Variants in CEP63 observed in about 807,000 individuals in gnomAD.
CEP63 encodes centrosomal protein 63, also known as centrosomal protein of 63 kDa.
A neutral mutation model predicts 89.1 loss-of-function variants in CEP63; 84 were observed. The observed-to-expected ratio is 0.94, with a 90% CI of 0.79 to 1.13. The LOEUF is 1.13. Ranked by LOEUF, CEP63 falls within the 50% of genes most tolerant of loss-of-function variation. The probability of loss-of-function intolerance (pLI) is 0.00; values close to 1 mark genes in which losing one functional copy is unlikely to be tolerated. For missense variants in CEP63, 838 were observed against 813.3 expected (o/e 1.03, Z -0.37); for synonymous variants, 267 against 272.5 (o/e 0.98, Z 0.20).
At chr3:134,580,529 A>T (rs1000367656) in intron 10 of CEP63, among the ~76,000 whole-genome samples, 2 of 151,892 alleles carry the variant, frequency 1.3e-5, no homozygotes, top group Non-Finnish European at 2.9e-5. Flanking sequence ...TAGAAAGTAG[A>T]AGAGAATTCT....
At chr3:134,767,189 A>G in the CEP63 span, among the ~76,000 whole-genome samples, 2 of 152,126 alleles carry the variant, frequency 1.3e-5, no homozygotes, top group Admixed American at 6.5e-5. Flanking sequence ...TTTCAAACCA[A>G]TGCATTAAGA....
chr3:134,512,931 A>G (rs1360052212), intron 3 of CEP63, among the ~76,000 whole-genome samples: 1 of 152,140 alleles, frequency 6.6e-6, no homozygotes, highest in African/African-American at 2.4e-5. Context: ...GAAATTACTA[A>G]TTGTCTCACT....
the CEP63 span, among the ~76,000 whole-genome samples, chr3:134,778,261 C>A: frequency 6.6e-6 from 1 of 151,054 alleles, no homozygotes; most frequent in African/African-American, 2.4e-5. Context: ...CCACACCCCA[C>A]TATTTTTGTA....
intron 5 of CEP63, among the ~76,000 whole-genome samples, chr3:134,533,588 A>C (rs938608692): frequency 1.3e-5 from 2 of 152,230 alleles, no homozygotes; most frequent in African/African-American, 4.8e-5. Flanking sequence ...CCAAGAGTAG[A>C]TGAAGGAAGA....
chr3:134,722,319 GTACAGTATTCTCCTATACTGTA>G, the CEP63 span, among the ~76,000 whole-genome samples: 10 of 147,482 alleles, frequency 6.8e-5, no homozygotes, highest in Non-Finnish European at 1.5e-4. Flanking sequence ...TATATATACA[GTACAGTATTCTCCTATACTGTA>G]TATATACAGT....
chr3:134,749,720 A>G, the CEP63 span, among the ~76,000 whole-genome samples: 1 of 149,566 alleles, frequency 6.7e-6, no homozygotes, highest in Admixed American at 6.7e-5. Flanking sequence ...AAAAAAAAAA[A>G]AAAAAAAAAA....
At chr3:134,520,875 AATTCTAG>A (rs1406993608) in intron 3 of CEP63, among the ~76,000 whole-genome samples, 3 of 152,160 alleles carry the variant, frequency 2.0e-5, no homozygotes, top group African/African-American at 7.2e-5. Flanking sequence ...TACCAAATTC[AATTCTAG>A]ATGGATTACG....
At chr3:134,544,918 G>A (rs999028579) in intron 6 of CEP63, among the ~76,000 whole-genome samples, 2 of 152,034 alleles carry the variant, frequency 1.3e-5, no homozygotes, top group African/African-American at 4.8e-5. Context: ...TGCGATCTTG[G>A]CTCACTGCAA....
the CEP63 span, among the ~76,000 whole-genome samples, chr3:134,736,290 G>C: frequency 1.2e-4 from 18 of 152,000 alleles, no homozygotes; most frequent in Non-Finnish European, 2.5e-4. Flanking sequence ...TTTAAAATTA[G>C]GAATGGAAAA....
chr3:134,700,203 C>T, the CEP63 span, among the ~76,000 whole-genome samples: 1 of 152,196 alleles, frequency 6.6e-6, no homozygotes, highest in African/African-American at 2.4e-5. Context: ...GGAAGTTCTG[C>T]TGACTCTGTC....
downstream of CEP63, among the ~76,000 whole-genome samples, chr3:134,569,294 G>C (rs1383961551): frequency 4.6e-5 from 7 of 152,170 alleles, no homozygotes; most frequent in African/African-American, 1.7e-4. Context: ...AAAGTCCATA[G>C]TCCAAAGTCT....
the CEP63 span, among the ~76,000 whole-genome samples, chr3:134,683,291 A>G: frequency 6.6e-6 from 1 of 152,216 alleles, no homozygotes; most frequent in Admixed American, 6.5e-5. Flanking sequence ...ATAGTTTTGT[A>G]TCTAATTCTG....
chr3:134,580,616 G>A (rs1958323406), intron 10 of CEP63, among the ~76,000 whole-genome samples: 1 of 152,014 alleles, frequency 6.6e-6, no homozygotes, highest in Non-Finnish European at 1.5e-5. Flanking sequence ...AGAAATTTAT[G>A]GACAAATATT....
intron 2 of CEP63, 39 bp from the exon 3 acceptor site, chr3:134,507,070 A>T: frequency 6.4e-7 from 1 of 1,550,884 alleles, no homozygotes; most frequent in Non-Finnish European, 8.9e-7. Context: ...CCACTTGAAC[A>T]TATCTTCTGT....
At chr3:134,707,837 C>T in the CEP63 span, among the ~76,000 whole-genome samples, 1 of 145,952 alleles carries the variant, frequency 6.9e-6, no homozygotes, top group African/African-American at 2.5e-5. Flanking sequence ...GGGTTGAAGC[C>T]CTATTGAAGG....
chr3:134,781,324 CA>C, the CEP63 span, among the ~76,000 whole-genome samples: 1 of 152,188 alleles, frequency 6.6e-6, no homozygotes, highest in African/African-American at 2.4e-5. Context: ...CACCCATAAA[CA>C]CAGTATATCT....
At chr3:134,772,037 T>G in the CEP63 span, among the ~76,000 whole-genome samples, 1 of 152,186 alleles carries the variant, frequency 6.6e-6, no homozygotes, top group African/African-American at 2.4e-5. Context: ...AACAAGCAGG[T>G]AAGATCAAGT....
chr3:134,526,345 C>T (rs1948637520), intron 3 of CEP63, among the ~76,000 whole-genome samples: 1 of 152,022 alleles, frequency 6.6e-6, no homozygotes, highest in Admixed American at 6.6e-5. Flanking sequence ...TTTCAGAAAG[C>T]CAGTCTTCAG....
At chr3:134,492,067 A>ATTTTTTTTTTTTTTTT (rs1434932680) in intron 1 of CEP63, among the ~76,000 whole-genome samples, 1 of 102,496 alleles carries the variant, frequency 9.8e-6, no homozygotes, top group African/African-American at 3.4e-5. Context: ...TTCTATTTGT[A>ATTTTTTTTTTTTTTTT]TTCTTTTTTT....
Sources: gnomAD v4.1 joint callset for allele counts (sites outside exome capture counted in the v4.1 genomes callset) on GRCh38, gnomAD v4.1.1 for gene constraint, MANE v1.5 for transcripts, NCBI Gene and HGNC (gene_info 2026-07-23, HGNC 2026-07-21) for gene names.